Variants in PRKCB observed in about 807,000 individuals in gnomAD.
The protein encoded by PRKCB is protein kinase C beta type.
PRKCB carries 13 observed loss-of-function variants against 81.5 expected under a neutral mutation model. The ratio of observed to expected loss-of-function variants is 0.16; its 90% CI spans 0.10 to 0.25. PRKCB has a LOEUF of 0.25. Among genes scored for constraint, PRKCB ranks in the 10% least tolerant of loss-of-function variants. The probability of loss-of-function intolerance (pLI) is 1.00; values close to 1 mark genes in which losing one functional copy is unlikely to be tolerated. For missense variants in PRKCB, 509 were observed against 875.7 expected (o/e 0.58, Z 5.29); for synonymous variants, 335 against 321.4 (o/e 1.04, Z -0.45).
At chr16:23,932,002 A>G (rs1159594354) in intron 2 of PRKCB, among the ~76,000 whole-genome samples, 1 of 152,224 alleles carries the variant, frequency 6.6e-6, no homozygotes, top group Non-Finnish European at 1.5e-5. Context: ...ATATGATGCA[A>G]ATAGAAGTGG....
chr16:24,139,292 A>G (rs1041009489), intron 9 of PRKCB, among the ~76,000 whole-genome samples: 1 of 152,228 alleles, frequency 6.6e-6, no homozygotes, highest in Non-Finnish European at 1.5e-5. Flanking sequence ...GTAAAAATCA[A>G]TTCTACTGGT....
intron 2 of PRKCB, among the ~76,000 whole-genome samples, chr16:23,880,439 C>A (rs571048134): frequency 2.0e-5 from 3 of 152,180 alleles, no homozygotes; most frequent in South Asian, 4.2e-4. Flanking sequence ...AATTTTTAAT[C>A]CCGGGATGGG....
chr16:23,956,785 C>T (rs1314930093), intron 2 of PRKCB, among the ~76,000 whole-genome samples: 2 of 151,626 alleles, frequency 1.3e-5, no homozygotes, highest in African/African-American at 4.8e-5. Context: ...AGACAAGAGT[C>T]CTGAGGAGGA....
At chr16:23,957,418 C>T (rs1167541421) in intron 2 of PRKCB, among the ~76,000 whole-genome samples, 1 of 152,262 alleles carries the variant, frequency 6.6e-6, no homozygotes, top group South Asian at 2.1e-4. Flanking sequence ...TTTTCTGCCT[C>T]TTTATTTTTT....
chr16:24,206,821 G>C (rs435785), intron 16 of PRKCB, among the ~76,000 whole-genome samples: 8,860 of 152,306 alleles, frequency 0.058, 312 homozygotes, highest in Non-Finnish European at 0.077. Flanking sequence ...TGTATCGCCA[G>C]AGTCCAGCAT....
At chr16:23,887,604 G>A (rs547617572) in intron 2 of PRKCB, among the ~76,000 whole-genome samples, 3 of 152,290 alleles carry the variant, frequency 2.0e-5, no homozygotes, top group South Asian at 4.1e-4. Flanking sequence ...TTGTTGATGG[G>A]CACCTAGGTG....
intron 2 of PRKCB, among the ~76,000 whole-genome samples, chr16:23,935,931 G>A (rs1964052060): frequency 6.6e-6 from 1 of 152,186 alleles, no homozygotes; most frequent in African/African-American, 2.4e-5. Context: ...CACTGCCAGG[G>A]TGACGGGATC....
chr16:23,928,356 G>C (rs991976597), intron 2 of PRKCB, among the ~76,000 whole-genome samples: 1 of 152,046 alleles, frequency 6.6e-6, no homozygotes, highest in African/African-American at 2.4e-5. Context: ...TCGAACTCCT[G>C]ACCTCAGGTG....
In PRKCB at chr16:23,903,413, C is replaced by T. The variant is rs977288969; in HGVS notation, c.205+66007C>T. ...TATTACCACATCATTTCCCCCCTAA[C>T]AGCAGCAAAGATTCTCAAAGCTTCA... is the stretch of plus-strand genomic sequence containing the variant. On this transcript the variant is annotated intron_variant, in intron 2 of 16. Coordinates refer to ENST00000643927, the MANE Select transcript of PRKCB (RefSeq NM_002738.7). 2.6e-5 allele frequency among the ~76,000 whole-genome samples: 4 copies of T among 152,106 alleles called. No individual in the cohort carries two copies. In the South Asian group the frequency reaches 6.2e-4, roughly 24 times the overall value.
intron 7 of PRKCB, among the ~76,000 whole-genome samples, chr16:24,107,895 C>T (rs527804224): frequency 2.6e-5 from 4 of 152,344 alleles, no homozygotes; most frequent in Admixed American, 1.3e-4. Flanking sequence ...CCCAAATACT[C>T]TAGATGGTTC....
chr16:24,201,767 G>T (rs1474384255), intron 16 of PRKCB, among the ~76,000 whole-genome samples: 1 of 152,184 alleles, frequency 6.6e-6, no homozygotes, highest in Non-Finnish European at 1.5e-5. Flanking sequence ...CGGGTGTGGT[G>T]GCTCACGCCT....
Position 24,032,692 on chromosome 16 carries a change from C to T in PRKCB, c.400+445C>T, listed in dbSNP as rs548773743. On this transcript the variant is annotated intron_variant, in intron 4 of 16. Coordinates refer to ENST00000643927, the MANE Select transcript of PRKCB (RefSeq NM_002738.7). ...AGGCTACCTAGCCTCCGTGCATGCA[C>T]GGAGGTCACAGGGTCCTGAGTTTCT... Among the ~76,000 whole-genome samples the T allele has an allele frequency of 2.5e-4, 38 of 152,218 alleles. 2 individuals carry two copies. The South Asian group carries it at 6.2e-3, about 25-fold the overall frequency.
intron 2 of PRKCB, among the ~76,000 whole-genome samples, chr16:23,837,993 G>T (rs571608822): frequency 6.6e-6 from 1 of 152,308 alleles, no homozygotes; most frequent in South Asian, 2.1e-4. Flanking sequence ...AAGGTCTCCA[G>T]GGCACTGGTT....
intron 3 of PRKCB, among the ~76,000 whole-genome samples, chr16:24,028,311 A>G (rs1965508991): frequency 6.6e-6 from 1 of 151,574 alleles, no homozygotes; most frequent in South Asian, 2.1e-4. Context: ...CTGGTCTTGA[A>G]CTCCTGACCT....
chr16:24,077,467 A>G (rs1292971920), intron 5 of PRKCB, among the ~76,000 whole-genome samples: 1 of 150,858 alleles, frequency 6.6e-6, no homozygotes, highest in Non-Finnish European at 1.5e-5. Flanking sequence ...CCATCCATCC[A>G]TCCACACATG....
At chr16:24,143,567 G>A (rs1207523958) in intron 9 of PRKCB, among the ~76,000 whole-genome samples, 1 of 152,024 alleles carries the variant, frequency 6.6e-6, no homozygotes, top group Non-Finnish European at 1.5e-5. Flanking sequence ...GGGCATGGGA[G>A]AGGGAACTAG....
intron 2 of PRKCB, chr16:23,893,781 A>G (rs764756150): frequency 6.6e-6 from 1 of 152,222 alleles, no homozygotes; most frequent in African/African-American, 2.4e-5. Context: ...ATAGATTTCT[A>G]TTGAACGGAT....
intron 5 of PRKCB, among the ~76,000 whole-genome samples, chr16:24,089,776 C>G (rs1340774823): frequency 6.7e-6 from 1 of 150,090 alleles, no homozygotes; most frequent in African/African-American, 2.5e-5. Flanking sequence ...CCTTGTCTCT[C>G]TCTCTCTCTC....
chr16:24,066,075 C>CTG (rs58216806), intron 5 of PRKCB, among the ~76,000 whole-genome samples: 43,166 of 139,428 alleles, frequency 0.31, 6,015 homozygotes, highest in East Asian at 0.43. Flanking sequence ...TGTGATGTTC[C>CTG]TGTGTGTGTG....
Sources: allele counts gnomAD v4.1 joint callset (sites outside exome capture counted in the v4.1 genomes callset), GRCh38; gene constraint gnomAD v4.1.1; transcripts MANE v1.5; gene names NCBI Gene and HGNC (gene_info 2026-07-23, HGNC 2026-07-21).